KCNH8: variants seen among roughly 807,000 people sequenced by gnomAD.
KCNH8 encodes the protein potassium voltage-gated channel subfamily H member 8.
A neutral mutation model predicts 103.6 loss-of-function variants in KCNH8; 70 were observed. The ratio of observed to expected loss-of-function variants is 0.68; its 90% CI spans 0.56 to 0.82. KCNH8 has a LOEUF of 0.82. KCNH8 is among the 40% of genes least tolerant of loss of function. The pLI, the probability that KCNH8 is intolerant of heterozygous loss-of-function variation, is 0.00. For synonymous variants in KCNH8, 498 were observed against 489.4 expected, an observed-to-expected ratio of 1.02 and a Z score of -0.23; for missense variants, 1,217 against 1,329.9, an observed-to-expected ratio of 0.92 and a Z score of 1.32.
rs34370450 is a variant in KCNH8, at chr3:19,148,749, G to C, written c.30G>C (p.Pro10=). MPVMKGLLA[P]QNTFLDTIAT... The stretch of plus-strand genomic sequence containing the variant: ...CGGTTATGAAAGGATTACTGGCGCC[G>C]CAAAACACCTTCCTGGACACCATCG... The change falls in exon 1 of 16, where the codon CCG becomes CCC. Residue 10 remains proline, a synonymous_variant. Coordinates refer to ENST00000328405, the MANE Select transcript of KCNH8 (RefSeq NM_144633.3). 221,321 of 1,613,130 alleles carry C rather than the reference G, an allele frequency of 0.14. 17,217 individuals carry two copies. Among genetic ancestry groups the C allele is most frequent in the Non-Finnish European group, 0.16 (188,206 of 1,179,138 alleles).
At chr3:19,440,114 G>A (rs1054408951) in intron 8 of KCNH8, among the ~76,000 whole-genome samples, 1 of 152,158 alleles carries the variant, frequency 6.6e-6, no homozygotes, top group Non-Finnish European at 1.5e-5. Context: ...TATGTATATT[G>A]CTTGTTAATA....
At chr3:19,483,945 T>G (rs564035912) in intron 11 of KCNH8, among the ~76,000 whole-genome samples, 1 of 152,300 alleles carries the variant, frequency 6.6e-6, no homozygotes, top group South Asian at 2.1e-4. Flanking sequence ...AGACCAGTAT[T>G]TACATTTATA....
intron 11 of KCNH8, among the ~76,000 whole-genome samples, chr3:19,476,775 A>T (rs1366077501): frequency 6.6e-6 from 1 of 152,014 alleles, no homozygotes; most frequent in African/African-American, 2.4e-5. Flanking sequence ...GATATGAGCC[A>T]CGTATTAGTA....
intron 11 of KCNH8, among the ~76,000 whole-genome samples, chr3:19,474,632 C>A (rs2067932504): frequency 6.6e-6 from 1 of 152,088 alleles, no homozygotes; most frequent in South Asian, 2.1e-4. Flanking sequence ...GGTTTGGTTT[C>A]CAGGTCATTG....
intron 1 of KCNH8, among the ~76,000 whole-genome samples, chr3:19,160,145 A>T (rs150666710): frequency 4.6e-5 from 7 of 152,296 alleles, no homozygotes; most frequent in Middle Eastern, 3.4e-3. Context: ...ACCACATTAA[A>T]ATCAGAATGC....
intron 1 of KCNH8, among the ~76,000 whole-genome samples, chr3:19,196,113 A>G (rs1301344171): frequency 6.6e-6 from 1 of 152,016 alleles, no homozygotes; most frequent in Admixed American, 6.6e-5. Context: ...TTATTGGGCC[A>G]GGCTGACATT....
intron 7 of KCNH8, among the ~76,000 whole-genome samples, chr3:19,413,698 G>A (rs1369410668): frequency 6.6e-6 from 1 of 151,992 alleles, no homozygotes; most frequent in Non-Finnish European, 1.5e-5. Flanking sequence ...CGGACTTCCA[G>A]CCTCTAGCAC....
chr3:19,287,761 T>G (rs2064852920), intron 3 of KCNH8, among the ~76,000 whole-genome samples: 1 of 152,150 alleles, frequency 6.6e-6, no homozygotes, highest in Non-Finnish European at 1.5e-5. Context: ...AATTTTTGTA[T>G]TTTTAGTAGA....
Position 19,297,869 on chromosome 3 carries a change from G to A in KCNH8, c.442+16540G>A, listed in dbSNP as rs191395738. On this transcript the variant is annotated intron_variant, in intron 3 of 15. Coordinates refer to ENST00000328405, the MANE Select transcript of KCNH8 (RefSeq NM_144633.3). ...CTTGAAAGCTGCAGATGCTTATCAAGCTCTCCAGAAGTACCGCTGGCTAGC... is the reference window on the plus strand; with the variant it reads ...CTTGAAAGCTGCAGATGCTTATCAAACTCTCCAGAAGTACCGCTGGCTAGC... Among the ~76,000 whole-genome samples, 279 of 152,268 alleles carry A rather than the reference G, an allele frequency of 1.8e-3. 1 individual carries two copies. Among genetic ancestry groups the A allele is most frequent in the Admixed American group, 0.01 (154 of 15,306 alleles).
intron 11 of KCNH8, among the ~76,000 whole-genome samples, chr3:19,459,796 T>C (rs1466697558): frequency 6.6e-6 from 1 of 152,124 alleles, no homozygotes; most frequent in Non-Finnish European, 1.5e-5. Context: ...AAGATCTAAT[T>C]TTATTCTTCT....
At chr3:19,440,191 T>C (rs1452284008) in intron 8 of KCNH8, among the ~76,000 whole-genome samples, 2 of 152,192 alleles carry the variant, frequency 1.3e-5, no homozygotes, top group African/African-American at 4.8e-5. Context: ...GCATTTTACA[T>C]AATTTTTTAA....
At chr3:19,166,765 A>G (rs2063289630) in intron 1 of KCNH8, among the ~76,000 whole-genome samples, 1 of 152,194 alleles carries the variant, frequency 6.6e-6, no homozygotes, top group South Asian at 2.1e-4. Context: ...CTTAAACTCT[A>G]TGCTGCACTA....
chr3:19,282,110 C>A (rs2064764791), intron 3 of KCNH8, among the ~76,000 whole-genome samples: 1 of 152,132 alleles, frequency 6.6e-6, no homozygotes, highest in South Asian at 2.1e-4. Flanking sequence ...ACAGCTATGT[C>A]TTTTTAGGAA....
chr3:19,390,628 A>C lies in KCNH8; in HGVS notation c.959A>C (p.Asn320Thr). ...CCTTTTGATCTTCTGTATGCTTTCA[A>C]CGTCACAGTGGTGAGTAAAGAGCTC... ...ALPFDLLYAF[N>T]VTVVSLVHLL... Residue 320 changes from asparagine to threonine, a missense_variant, in exon 6 of 16, where the codon AAC becomes ACC. Transcript: ENST00000328405. 1.2e-6 allele frequency: 2 copies of C among 1,612,868 alleles called. No individual in the cohort carries two copies. The highest frequency in any genetic ancestry group is 1.7e-6 in the Non-Finnish European group (2 of 1,179,346).
intron 11 of KCNH8, among the ~76,000 whole-genome samples, chr3:19,460,670 T>C (rs1244262560): frequency 5.3e-5 from 8 of 152,192 alleles, no homozygotes; most frequent in African/African-American, 1.9e-4. Context: ...AGTCTTAAAG[T>C]TGATTTCTCT....
chr3:19,303,261 T>G (rs2065086773), intron 3 of KCNH8, among the ~76,000 whole-genome samples: 1 of 152,102 alleles, frequency 6.6e-6, no homozygotes, highest in East Asian at 1.9e-4. Flanking sequence ...ATGCGTGGAT[T>G]TCCAAAACAT....
chr3:19,332,225 G>C (rs1437790131), intron 3 of KCNH8, among the ~76,000 whole-genome samples: 1 of 151,880 alleles, frequency 6.6e-6, no homozygotes, highest in African/African-American at 2.4e-5. Flanking sequence ...TCTCCCTTTT[G>C]CTACTCTTTT....
chr3:19,197,461 A>G (rs1317220963), intron 1 of KCNH8, among the ~76,000 whole-genome samples: 1 of 152,120 alleles, frequency 6.6e-6, no homozygotes, highest in Non-Finnish European at 1.5e-5. Context: ...TCTAAAAGTT[A>G]GCACGTGTCT....
chr3:19,201,876 G>T (rs1298328313), intron 1 of KCNH8, among the ~76,000 whole-genome samples: 1 of 152,074 alleles, frequency 6.6e-6, no homozygotes, highest in Non-Finnish European at 1.5e-5. Flanking sequence ...TAAGTTGATG[G>T]CTTTCACATT....
Sources: allele counts gnomAD v4.1 joint callset (sites outside exome capture counted in the v4.1 genomes callset), GRCh38; gene constraint gnomAD v4.1.1; transcripts MANE v1.5; gene names NCBI Gene and HGNC (gene_info 2026-07-23, HGNC 2026-07-21).